Variants in UBQLN3 observed in about 807,000 individuals in gnomAD.
UBQLN3 encodes the protein ubiquilin-3.
UBQLN3 carries 1 observed loss-of-function variant against 2.9 expected under a neutral mutation model. The ratio of observed to expected loss-of-function variants is 0.35; its 90% CI spans 0.12 to 1.66. The LOEUF (loss-of-function observed/expected upper bound fraction) is 1.66, where lower values mean the gene tolerates loss of function less well. Ranked by LOEUF, UBQLN3 falls within the 40% of genes most tolerant of loss-of-function variation. UBQLN3 has a pLI of 0.35. For missense variants in UBQLN3, 924 were observed against 816.5 expected (o/e 1.13, Z -1.61); for synonymous variants, 358 against 317.6 (o/e 1.13, Z -1.35).
At position 5,508,568 on chromosome 11, in the gene UBQLN3, T is replaced by C; in HGVS notation, c.991A>G (p.Asn331Asp). ...ATACCCAGAAAGTTTGGAAACCTAT[T>C]TCTAATGTCAGGTGCATCCTGATCC... ...DGDQDAPDIRNRFPNFLGIIR... is the reference protein window; with the variant it reads ...DGDQDAPDIRDRFPNFLGIIR... Residue 331 changes from asparagine (N) to aspartate (D), a missense_variant, in exon 2 of 2, where the codon AAT becomes GAT. Asn to Asp is a conservative substitution (Grantham distance 23). Coordinates refer to ENST00000311659, the MANE Select transcript of UBQLN3 (RefSeq NM_017481.4). The surrounding 1 kb of genome is among the most constrained non-coding windows in gnomAD (Gnocchi z 4.2). The C allele has an allele frequency of 6.2e-7, 1 of 1,614,100 alleles. No individual in the cohort carries two copies. Among genetic ancestry groups the C allele is most frequent in the Non-Finnish European group, 8.5e-7 (1 of 1,180,024 alleles).
chr11:5,509,413 T>G lies in UBQLN3; in HGVS notation c.146A>C (p.Glu49Ala). ...GTGGGCCTTAAAGCGCTGAGATATC[T>G]CTTCCTTCAGCTGCTGGATAGTGCA... ...DTCTIQQLKE[E>A]ISQRFKAHPD... Residue 49 changes from glutamate (E) to alanine (A), a missense_variant, in exon 2 of 2, where the codon GAG (glutamate) becomes GCG (alanine). Physicochemically the swap from Glu to Ala is moderately radical, Grantham distance 107. Transcript: ENST00000311659. 1 of 1,614,184 alleles carries G rather than the reference T, an allele frequency of 6.2e-7. No homozygotes were observed.
Position 5,507,835 on chromosome 11 carries a change from G to A in UBQLN3, c.1724C>T (p.Pro575Leu), listed in dbSNP as rs1846401743. 6.2e-7 allele frequency: 1 copy of A among 1,613,978 alleles called. No individual in the cohort carries two copies. Among genetic ancestry groups the A allele is most frequent in the South Asian group, 1.1e-5 (1 of 91,084 alleles). The change falls in exon 2 of 2, where the codon CCA becomes CTA. Residue 575 changes from proline (P) to leucine (L), a missense_variant. Transcript: ENST00000311659. ...PLMSEDPLPN[P>L]PPEVFPALDS... The stretch of plus-strand genomic sequence containing the variant: ...CAGTGCTGGGAACACCTCAGGAGGT[G>A]GATTTGGGAGAGGATCCTCAGACAT...
At position 5,508,204 on chromosome 11, in the gene UBQLN3, G is replaced by C; in HGVS notation, c.1355C>G (p.Ala452Gly). 6.2e-7 allele frequency: 1 copy of C among 1,614,166 alleles called. No individual in the cohort carries two copies. Among genetic ancestry groups the C allele is most frequent in the Non-Finnish European group, 8.5e-7 (1 of 1,180,024 alleles). Residue 452 changes from alanine (A) to glycine (G), a missense_variant, in exon 2 of 2, where the codon GCC (alanine) becomes GGC (glycine). By Grantham distance (60) the Ala-to-Gly change is moderately conservative. Transcript: ENST00000311659. The surrounding 1 kb of genome is among the most constrained non-coding windows in gnomAD (Gnocchi z 4.2). ...PDLVSGLGDS[A>G]NRVPFAPLSF... ...TAAGGGAGCAAATGGAACCCTGTTGGCAGAATCTCCCAGCCCCGAGACAAG... is the reference window on the plus strand; with the variant it reads ...TAAGGGAGCAAATGGAACCCTGTTGCCAGAATCTCCCAGCCCCGAGACAAG...
chr11:5,509,894 C>T lies in UBQLN3; in HGVS notation c.-57G>A, dbSNP rs934593432. Reference sequence around the variant, plus strand: ...CATACCAGTCAGCTGTGGTCCCGTCCTTCTCTTTATGCAGGGCTCCAAACC... The same window carrying T: ...CATACCAGTCAGCTGTGGTCCCGTCTTTCTCTTTATGCAGGGCTCCAAACC... On this transcript the variant is annotated 5_prime_UTR_variant, in exon 1 of 2. Transcript: ENST00000311659. 1 of 240,972 alleles carries T rather than the reference C, an allele frequency of 4.1e-6. No homozygotes were observed. Among genetic ancestry groups the T allele is most frequent in the Non-Finnish European group, 8.0e-6 (1 of 124,744 alleles). 14.9% of individuals were successfully genotyped at this position (240,972 alleles called of 1,614,324 possible).
chr11:5,508,690 G>A lies in UBQLN3; in HGVS notation c.869C>T (p.Thr290Ile), dbSNP rs2234451. 6.2e-7 allele frequency: 1 copy of A among 1,612,714 alleles called. No individual in the cohort carries two copies. Among genetic ancestry groups the A allele is most frequent in the Non-Finnish European group, 8.5e-7 (1 of 1,179,720 alleles). ...ATTCTCCATCCTTGAAGGTTGGCTG[G>A]TGGTGGTGGTGGCATTATCAGTAGT... ...TATTDNATTT[T>I]SQPSRMENCD... Residue 290 changes from threonine to isoleucine, a missense_variant, in exon 2 of 2, where the codon ACC becomes ATC. Transcript: ENST00000311659. The surrounding 1 kb of genome is among the most constrained non-coding windows in gnomAD (Gnocchi z 4.2).
In UBQLN3 at chr11:5,509,302, G is replaced by A; in HGVS notation, c.257C>T (p.Thr86Ile). Residue 86 changes from threonine to isoleucine, a missense_variant, in exon 2 of 2, where the codon ACT (threonine) becomes ATT (isoleucine). Thr to Ile is a moderately conservative substitution (Grantham distance 89). Transcript: ENST00000311659. ...LAQCGVRDGL[T>I]VHLVIKRQHR... ...CTGCCTCTTGATGACCAGGTGGACA[G>A]TGAGGCCATCTCGCACTCCACACTG... The A allele has an allele frequency of 1.2e-6, 2 of 1,614,232 alleles. No individual in the cohort carries two copies. Among genetic ancestry groups the A allele is most frequent in the Non-Finnish European group, 1.7e-6 (2 of 1,180,038 alleles).
chr11:5,508,219 C>G lies in UBQLN3; in HGVS notation c.1340G>C (p.Gly447Ala). The change falls in exon 2 of 2, where the codon GGG becomes GCG. Residue 447 changes from glycine (G) to alanine (A), a missense_variant. Coordinates refer to ENST00000311659, the MANE Select transcript of UBQLN3 (RefSeq NM_017481.4). This position sits in a 1 kb window ranked among gnomAD's most constrained non-coding sequence, Gnocchi z 4.2. ...AACCCTGTTGGCAGAATCTCCCAGC[C>G]CCGAGACAAGATCAGGCAAGTTTGT... ...HSTNLPDLVS[G>A]LGDSANRVPF... 2 of 1,614,162 alleles carry G rather than the reference C, an allele frequency of 1.2e-6. No individual in the cohort carries two copies. Among genetic ancestry groups the G allele is most frequent in the South Asian group, 2.2e-5 (2 of 91,074 alleles).
chr11:5,508,634 T>A lies in UBQLN3; in HGVS notation c.925A>T (p.Thr309Ser). The change falls in exon 2 of 2, where the codon ACA (threonine) becomes TCA (serine). Residue 309 changes from threonine to serine, a missense_variant. Physicochemically the swap from Thr to Ser is moderately conservative, Grantham distance 58 (BLOSUM62 1). Transcript: ENST00000311659. The surrounding 1 kb of genome is among the most constrained non-coding windows in gnomAD (Gnocchi z 4.2). The stretch of plus-strand genomic sequence containing the variant: ...TGCCTGCTACCTGAGCCTCCATGTG[T>A]GGAAGTCCAGGGGTTGGGGAGAGGG... ...CDPLPNPWTS[T>S]HGGSGSRQGR... 6.2e-7 allele frequency: 1 copy of A among 1,614,114 alleles called. No homozygotes were observed. The highest frequency in any genetic ancestry group is 8.5e-7 in the Non-Finnish European group (1 of 1,180,012).
At position 5,508,697 on chromosome 11, in the gene UBQLN3, T is replaced by C. The variant is rs771591719; in HGVS notation, c.862A>G (p.Thr288Ala). ...FATATTDNAT[T>A]TTSQPSRMEN... is the part of the protein sequence containing the mutation. ...ATCCTTGAAGGTTGGCTGGTGGTGG[T>C]GGTGGCATTATCAGTAGTGGCAGTG... The change falls in exon 2 of 2, where the codon ACC (threonine) becomes GCC (alanine). Residue 288 changes from threonine to alanine, a missense_variant. Physicochemically the swap from Thr to Ala is moderately conservative, Grantham distance 58. Coordinates refer to ENST00000311659, the MANE Select transcript of UBQLN3 (RefSeq NM_017481.4). The surrounding 1 kb of genome is among the most constrained non-coding windows in gnomAD (Gnocchi z 4.2). 1.9e-6 allele frequency: 3 copies of C among 1,613,980 alleles called. No homozygotes were observed. The highest frequency in any genetic ancestry group is 1.3e-5 in the African/African-American group (1 of 75,012).
Position 5,508,538 on chromosome 11 carries a change from T to C in UBQLN3, c.1021A>G (p.Arg341Gly). ...AATTGCTGGAGATAGTCATAGAGCC[T>C]TATAATACCCAGAAAGTTTGGAAAC... is the stretch of plus-strand genomic sequence containing the variant. Reference protein sequence around the residue: ...NRFPNFLGIIRLYDYLQQLHE... With the variant: ...NRFPNFLGIIGLYDYLQQLHE... The change falls in exon 2 of 2, where the codon AGG (arginine) becomes GGG (glycine). Residue 341 changes from arginine to glycine, a missense_variant. Transcript: ENST00000311659. The surrounding 1 kb of genome is among the most constrained non-coding windows in gnomAD (Gnocchi z 4.2). 4 of 1,614,094 alleles carry C rather than the reference T, an allele frequency of 2.5e-6. No homozygotes were observed. The highest frequency in any genetic ancestry group is 3.4e-6 in the Non-Finnish European group (4 of 1,180,012).
At position 5,508,765 on chromosome 11, in the gene UBQLN3, A is replaced by G. The variant is rs2234447; in HGVS notation, c.794T>C (p.Met265Thr). 3.5e-3 allele frequency: 5,693 copies of G among 1,614,116 alleles called. 25 individuals are homozygous for G. The highest frequency in any genetic ancestry group is 4.2e-3 in the Non-Finnish European group (4,911 of 1,180,024). Residue 265 changes from methionine to threonine, a missense_variant, in exon 2 of 2, where the codon ATG becomes ACG. By Grantham distance (81) the Met-to-Thr change is moderately conservative (BLOSUM62 -1). Transcript: ENST00000311659. The surrounding 1 kb of genome is among the most constrained non-coding windows in gnomAD (Gnocchi z 4.2). ...CTMYTDIMDP[M>T]LNAVQEQFGG... ...AAACTGCTCCTGGACTGCGTTAAGC[A>G]TTGGGTCCATAATATCTGTGTACAT...
chr11:5,509,030 T>G lies in UBQLN3; in HGVS notation c.529A>C (p.Ile177Leu), dbSNP rs7111486. The G allele has an allele frequency of 4.3e-6, 7 of 1,613,914 alleles. No individual in the cohort carries two copies. The highest frequency in any genetic ancestry group is 5.9e-6 in the Non-Finnish European group (7 of 1,180,000). The change falls in exon 2 of 2, where the codon ATC becomes CTC. Residue 177 changes from isoleucine (I) to leucine (L), a missense_variant. Coordinates refer to ENST00000311659, the MANE Select transcript of UBQLN3 (RefSeq NM_017481.4). ...CCTGTGTTGGACAGCAGACCCGGGATGAAGGGGTCATCAATGAGCTGAGTC... is the reference window on the plus strand; with the variant it reads ...CCTGTGTTGGACAGCAGACCCGGGAGGAAGGGGTCATCAATGAGCTGAGTC... ...FVTQLIDDPFIPGLLSNTGLV... is the reference protein window; with the variant it reads ...FVTQLIDDPFLPGLLSNTGLV...
At position 5,507,635 on chromosome 11, in the gene UBQLN3, C is replaced by T. The variant is rs770730147; in HGVS notation, c.1924G>A (p.Gly642Arg). Reference protein sequence around the residue: ...EANLQALIATGGDVDAAVEKL... With the variant: ...EANLQALIATRGDVDAAVEKL... The stretch of plus-strand genomic sequence containing the variant: ...TCCACAGCAGCATCCACGTCGCCCC[C>T]CGTAGCAATGAGGGCCTGAAGATTG... Residue 642 changes from glycine (G) to arginine (R), a missense_variant, in exon 2 of 2, where the codon GGG becomes AGG. Gly to Arg is a moderately radical substitution (Grantham distance 125). Coordinates refer to ENST00000311659, the MANE Select transcript of UBQLN3 (RefSeq NM_017481.4). 22 of 1,613,584 alleles carry T rather than the reference C, an allele frequency of 1.4e-5. 1 individual carries two copies. Among genetic ancestry groups the T allele is most frequent in the South Asian group, 8.8e-5 (8 of 91,026 alleles).
chr11:5,508,920 G>T lies in UBQLN3; in HGVS notation c.639C>A (p.Asn213Lys). 6.2e-7 allele frequency: 1 copy of T among 1,614,182 alleles called. No individual in the cohort carries two copies. Among genetic ancestry groups the T allele is most frequent in the South Asian group, 1.1e-5 (1 of 91,078 alleles). Reference sequence around the variant, plus strand: ...CCAGTGTCTGCCGCATAATTTCCGGGTTGTTAAGAATATGCCCAATCTCAG... The same window carrying T: ...CCAGTGTCTGCCGCATAATTTCCGGTTTGTTAAGAATATGCCCAATCTCAG... The part of the protein sequence containing the change: ...HNPEIGHILN[N>K]PEIMRQTLEF... The change falls in exon 2 of 2, where the codon AAC becomes AAA. Residue 213 changes from asparagine to lysine, a missense_variant. Physicochemically the swap from Asn to Lys is moderately conservative, Grantham distance 94. Transcript: ENST00000311659. The surrounding 1 kb of genome is among the most constrained non-coding windows in gnomAD (Gnocchi z 4.2).
Position 5,507,983 on chromosome 11 carries a change from G to C in UBQLN3, c.1576C>G (p.Gln526Glu). The C allele has an allele frequency of 6.2e-7, 1 of 1,614,044 alleles. No homozygotes were observed. The highest frequency in any genetic ancestry group is 1.1e-5 in the South Asian group (1 of 91,076). ...ANPRALQALR[Q>E]IEQGLQVLAT... Reference sequence around the variant, plus strand: ...AGGACCTGTAGACCCTGCTCAATCTGCCGCAGGGCTTGCAGGGCACGGGGG... The same window carrying C: ...AGGACCTGTAGACCCTGCTCAATCTCCCGCAGGGCTTGCAGGGCACGGGGG... Residue 526 changes from glutamine (Q) to glutamate (E), a missense_variant, in exon 2 of 2, where the codon CAG (glutamine) becomes GAG (glutamate). Transcript: ENST00000311659.
In UBQLN3 at chr11:5,508,809, G is replaced by A. The variant is rs754164941; in HGVS notation, c.750C>T (p.Gly250=). ...VLSNLESIPG[G]YNVLCTMYTD... Reference sequence around the variant, plus strand: ...TGTACATAGTGCAAAGCACATTGTAGCCACCAGGAATGCTCTCCAAGTTAC... The same window carrying A: ...TGTACATAGTGCAAAGCACATTGTAACCACCAGGAATGCTCTCCAAGTTAC... The change falls in exon 2 of 2, where the codon GGC becomes GGT. Residue 250 remains glycine (G), a synonymous_variant. Transcript: ENST00000311659. The surrounding 1 kb of genome is among the most constrained non-coding windows in gnomAD (Gnocchi z 4.2). 1.9e-6 allele frequency: 3 copies of A among 1,614,178 alleles called. No homozygotes were observed. Among genetic ancestry groups the A allele is most frequent in the Middle Eastern group, 1.7e-4 (1 of 6,060 alleles).
Position 5,507,968 on chromosome 11 carries a change from G to A in UBQLN3, c.1591C>T (p.Leu531=), listed in dbSNP as rs1170514323. The part of the protein sequence containing the change: ...LQALRQIEQG[L]QVLATEAPRL... ...GGTGCTTCAGTAGCTAGGACCTGTA[G>A]ACCCTGCTCAATCTGCCGCAGGGCT... The change falls in exon 2 of 2, where the codon CTA becomes TTA. Residue 531 remains leucine, a synonymous_variant. Coordinates refer to ENST00000311659, the MANE Select transcript of UBQLN3 (RefSeq NM_017481.4). 1 of 1,614,070 alleles carries A rather than the reference G, an allele frequency of 6.2e-7. No homozygotes were observed. The highest frequency in any genetic ancestry group is 1.1e-5 in the South Asian group (1 of 91,082).
In UBQLN3 at chr11:5,509,429, G is replaced by A. The variant is rs1231597343; in HGVS notation, c.130C>T (p.Gln44Ter). Reference sequence around the variant, plus strand: ...TGAGATATCTCTTCCTTCAGCTGCTGGATAGTGCATGTGTCTGTAACTGAG... The same window carrying A: ...TGAGATATCTCTTCCTTCAGCTGCTAGATAGTGCATGTGTCTGTAACTGAG... ...DFSVTDTCTI[Q>*]QLKEEISQRF... The change falls in exon 2 of 2, where the codon CAG (glutamine) becomes TAG (stop). Residue 44 changes from glutamine to a stop codon, truncating the protein, a stop_gained. Transcript: ENST00000311659. LOFTEE classifies it low-confidence loss of function (END_TRUNC). The A allele has an allele frequency of 6.2e-7, 1 of 1,614,208 alleles. No homozygotes were observed. The highest frequency in any genetic ancestry group is 8.5e-7 in the Non-Finnish European group (1 of 1,179,996).
Position 5,508,894 on chromosome 11 carries a change from T to C in UBQLN3, c.665A>G (p.Glu222Gly). Reference sequence around the variant, plus strand: ...CATCATGGCAGGGTTACGTAAAAACTCCAGTGTCTGCCGCATAATTTCCGG... The same window carrying C: ...CATCATGGCAGGGTTACGTAAAAACCCCAGTGTCTGCCGCATAATTTCCGG... ...NNPEIMRQTL[E>G]FLRNPAMMQE... Residue 222 changes from glutamate (E) to glycine (G), a missense_variant, in exon 2 of 2, where the codon GAG becomes GGG. Coordinates refer to ENST00000311659, the MANE Select transcript of UBQLN3 (RefSeq NM_017481.4). The surrounding 1 kb of genome is among the most constrained non-coding windows in gnomAD (Gnocchi z 4.2). 1.2e-6 allele frequency: 2 copies of C among 1,614,154 alleles called. No homozygotes were observed. The highest frequency in any genetic ancestry group is 1.7e-6 in the Non-Finnish European group (2 of 1,180,022).
Sources: gnomAD v4.1 joint callset for allele counts on GRCh38, gnomAD v4.1.1 for gene constraint, Gnocchi (gnomAD v3.1) non-coding constraint, MANE v1.5 for transcripts, NCBI Gene and HGNC (gene_info 2026-07-23, HGNC 2026-07-21) for gene names.